The following RAB8B variants were observed in gnomAD, a reference collection of about 807,000 sequenced individuals.
The protein encoded by RAB8B is ras-related protein Rab-8B.
In RAB8B, 11 loss-of-function variants were observed where a neutral mutation model predicts 32.0. That is an observed-to-expected ratio of 0.34 (90% CI 0.22 to 0.57). The LOEUF (loss-of-function observed/expected upper bound fraction) is 0.57. Ranked by LOEUF, RAB8B falls within the 20% of genes least tolerant of loss-of-function variation. The probability of loss-of-function intolerance (pLI) is 0.86; values close to 1 mark genes in which losing one functional copy is unlikely to be tolerated. For missense variants in RAB8B, 190 were observed against 258.5 expected, an observed-to-expected ratio of 0.73 and a Z score of 1.82; for synonymous variants, 103 against 89.6, an observed-to-expected ratio of 1.15 and a Z score of -0.85.
intron 1 of RAB8B, among the ~76,000 whole-genome samples, chr15:63,200,718 T>C (rs1417333374): frequency 6.6e-6 from 1 of 151,510 alleles, no homozygotes; most frequent in African/African-American, 2.4e-5. Flanking sequence ...CCTTTGCTGG[T>C]GCTAAATTTC....
chr15:63,250,720 G>A (rs968966015), intron 3 of RAB8B, among the ~76,000 whole-genome samples: 2 of 151,026 alleles, frequency 1.3e-5, no homozygotes, highest in Non-Finnish European at 2.9e-5. Flanking sequence ...CGGCTTTATC[G>A]CTGGTGTTTA....
At chr15:63,250,225 T>C (rs1385168868) in intron 3 of RAB8B, among the ~76,000 whole-genome samples, 3 of 152,254 alleles carry the variant, frequency 2.0e-5, no homozygotes, top group African/African-American at 7.2e-5. Context: ...GATTAACTTA[T>C]AGATGTTCTA....
rs549095380 is a variant in RAB8B at position 63,251,928 on chromosome 15, G to T, written c.246+2223G>T. On this transcript the variant is annotated intron_variant, in intron 3 of 7. Transcript: ENST00000321437. Reference sequence around the variant, plus strand: ...TTTGGCTGATTCAGGTATGTGGCATGTTGACAAGCACTATACTGGAGTCTG... The same window carrying T: ...TTTGGCTGATTCAGGTATGTGGCATTTTGACAAGCACTATACTGGAGTCTG... 7.9e-5 allele frequency among the ~76,000 whole-genome samples: 12 copies of T among 152,168 alleles called. No individual in the cohort carries two copies. The South Asian group carries it at 2.3e-3, about 29-fold the overall frequency.
rs1555424501 is a variant in RAB8B, at chr15:63,259,840, A to AAT, written c.480+148_480+149insAT. Reference sequence around the variant, plus strand: ...TACTTTGTACACTTTTGTGCTTCTGATTTTTTTTTTTTTGAGATGGAGTCT... The same window carrying AAT: ...TACTTTGTACACTTTTGTGCTTCTGAATTTTTTTTTTTTTTGAGATGGAGTCT... On this transcript the variant is annotated intron_variant, in intron 6 of 7. Transcript: ENST00000321437. This position sits in a 1 kb window ranked among gnomAD's most constrained non-coding sequence, Gnocchi z 4.4. 1 of 480,462 alleles carries AAT rather than the reference A, an allele frequency of 2.1e-6. No individual in the cohort carries two copies. Among genetic ancestry groups the AAT allele is most frequent in the Non-Finnish European group, 3.5e-6 (1 of 283,528 alleles). The allele number at this position is 480,462 out of a possible 1,614,324, so 29.8% of individuals were successfully genotyped here.
In RAB8B at chr15:63,264,895, T is replaced by C. The variant is rs1377816101; in HGVS notation, c.*1276T>C. On this transcript the variant is annotated 3_prime_UTR_variant, in exon 8 of 8. Transcript: ENST00000321437. ...CTGTTTTGGTTCATTGTTACAGAAC[T>C]TAGTCCAGTCATTTGGGCTAAAGCC... 6.5e-6 allele frequency: 1 copy of C among 152,682 alleles called. No homozygotes were observed. The highest frequency in any genetic ancestry group is 1.5e-5 in the Non-Finnish European group (1 of 68,040). The allele number at this position is 152,682 out of a possible 1,614,324, so 9.5% of individuals were successfully genotyped here. A position where few individuals can be genotyped will look rare whatever the true frequency, so the allele number is the denominator to read the frequency against.
chr15:63,210,625 T>A (rs910437456), intron 1 of RAB8B, among the ~76,000 whole-genome samples: 2 of 152,126 alleles, frequency 1.3e-5, no homozygotes, highest in Non-Finnish European at 2.9e-5. Flanking sequence ...AGCACTGAGA[T>A]AATTTGGATG....
chr15:63,227,257 A>T (rs2037896305), intron 1 of RAB8B, among the ~76,000 whole-genome samples: 1 of 152,134 alleles, frequency 6.6e-6, no homozygotes, highest in Admixed American at 6.6e-5. Context: ...TGACATTTGC[A>T]TCCACTGTTG....
At chr15:63,228,013 C>T (rs1251351919) in intron 1 of RAB8B, among the ~76,000 whole-genome samples, 2 of 150,756 alleles carry the variant, frequency 1.3e-5, no homozygotes, top group Admixed American at 1.3e-4. Context: ...TTCTTCCTTT[C>T]CTTTCTCTTT....
chr15:63,262,967 AT>A, intron 7 of RAB8B, among the ~76,000 whole-genome samples: 1 of 152,138 alleles, frequency 6.6e-6, no homozygotes, highest in South Asian at 2.1e-4. Flanking sequence ...CTTTAATTGA[AT>A]TTTGATGAGA....
intron 3 of RAB8B, chr15:63,251,432 A>G: frequency 2.5e-6 from 1 of 399,180 alleles, no homozygotes; most frequent in South Asian, 1.8e-5. Context: ...CACCATTTGC[A>G]TGCTCATTTT....
chr15:63,256,500 T>A lies in RAB8B; in HGVS notation c.325-5T>A, dbSNP rs749315061. 1.3e-6 allele frequency: 2 copies of A among 1,591,998 alleles called. No homozygotes were observed. The highest frequency in any genetic ancestry group is 2.3e-5 in the South Asian group (2 of 86,366). On this transcript the variant is annotated splice_polypyrimidine_tract_variant and splice_region_variant and intron_variant, in intron 4 of 7. Transcript: ENST00000321437. The stretch of plus-strand genomic sequence containing the variant: ...TTTTTATAGCATGCTATTTTCTCCC[T>A]GCAGCATGCCTCTTCCGATGTCGAA...
chr15:63,261,291 T>C (rs1200910768), intron 6 of RAB8B, among the ~76,000 whole-genome samples: 1 of 152,056 alleles, frequency 6.6e-6, no homozygotes, highest in Non-Finnish European at 1.5e-5. Context: ...GGAAAGGATG[T>C]AGAGAAAGGG....
intron 1 of RAB8B, among the ~76,000 whole-genome samples, chr15:63,229,580 A>G (rs998141219): frequency 4.6e-5 from 7 of 152,118 alleles, no homozygotes; most frequent in African/African-American, 1.7e-4. Flanking sequence ...TCAGGAGTTC[A>G]AGCCATTCTG....
intron 2 of RAB8B, among the ~76,000 whole-genome samples, chr15:63,246,085 C>T (rs2038069747): frequency 6.6e-6 from 1 of 152,172 alleles, no homozygotes; most frequent in Non-Finnish European, 1.5e-5. Context: ...TGTTAGCCAG[C>T]TGGTCTTGAA....
chr15:63,189,770 G>A (rs1186376623), intron 1 of RAB8B, 22 bp downstream of exon 1: 3 of 1,542,234 alleles, frequency 1.9e-6, no homozygotes, highest in African/African-American at 1.4e-5. Context: ...GCCGCGGCCC[G>A]GGACCGGGTA....
chr15:63,225,102 A>G (rs1039530683), intron 1 of RAB8B, among the ~76,000 whole-genome samples: 4 of 152,332 alleles, frequency 2.6e-5, no homozygotes, highest in African/African-American at 9.6e-5. Context: ...CTTTAACGTA[A>G]TATCATCATG....
At position 63,263,616 on chromosome 15, in the gene RAB8B, T is replaced by C; in HGVS notation, c.621T>C (p.Leu207=). ...KKTSFFRCSL[L] ...CCAGTTTCTTTCGTTGCTCGCTACT[T>C]TGATGAACTCTTTCTGAGAGACTGC... is the stretch of plus-strand genomic sequence containing the variant. Residue 207 remains leucine (L), a synonymous_variant, in exon 8 of 8, where the codon CTT becomes CTC. Transcript: ENST00000321437. 1.2e-6 allele frequency: 2 copies of C among 1,602,838 alleles called. No individual in the cohort carries two copies. Among genetic ancestry groups the C allele is most frequent in the Non-Finnish European group, 1.7e-6 (2 of 1,169,762 alleles).
chr15:63,223,842 C>T (rs918594012), intron 1 of RAB8B: 2 of 429,230 alleles, frequency 4.7e-6, no homozygotes, highest in African/African-American at 2.0e-5. Flanking sequence ...TTGTTTTCTT[C>T]TATAGTGCGG....
intron 4 of RAB8B, 94 bp downstream of exon 4, chr15:63,255,678 A>T (rs778908432): frequency 1.9e-4 from 203 of 1,043,976 alleles, no homozygotes; most frequent in Non-Finnish European, 2.6e-4. Flanking sequence ...AGCTGCTTAG[A>T]AGCAGGGCAT....
Sources: allele counts gnomAD v4.1 joint callset (sites outside exome capture counted in the v4.1 genomes callset), GRCh38; gene constraint gnomAD v4.1.1; non-coding constraint Gnocchi (gnomAD v3.1); transcripts MANE v1.5; gene names NCBI Gene and HGNC (gene_info 2026-07-23, HGNC 2026-07-21).